Variants in SUSD4 observed in about 807,000 individuals in gnomAD.
The protein encoded by SUSD4 is sushi domain containing 4.
SUSD4 carries 41 observed loss-of-function variants against 50.5 expected under a neutral mutation model. The ratio of observed to expected loss-of-function variants is 0.81; its 90% CI spans 0.63 to 1.05. SUSD4 has a LOEUF of 1.05. SUSD4 is among the 50% of genes least tolerant of loss of function. The pLI is 0.00. For synonymous variants in SUSD4, 257 were observed against 257.3 expected (o/e 1.00, Z 0.01); for missense variants, 580 against 634.7 (o/e 0.91, Z 0.93).
chr1:223,338,296 C>T (rs996065361), intron 2 of SUSD4, among the ~76,000 whole-genome samples: 5 of 152,210 alleles, frequency 3.3e-5, no homozygotes, highest in African/African-American at 1.2e-4. Flanking sequence ...AGCCGAATTT[C>T]TGGGTCCTCT....
At chr1:223,321,124 T>G (rs1298852508) in intron 2 of SUSD4, among the ~76,000 whole-genome samples, 3 of 152,050 alleles carry the variant, frequency 2.0e-5, no homozygotes, top group Admixed American at 1.3e-4. Context: ...ATTGCCCTAC[T>G]CCACAAGACG....
intron 5 of SUSD4, among the ~76,000 whole-genome samples, chr1:223,261,121 G>A (rs1044745872): frequency 5.9e-5 from 9 of 152,282 alleles, no homozygotes; most frequent in East Asian, 1.9e-4. Context: ...GGCCACGTGG[G>A]AGACTAACGG....
chr1:223,355,142 T>G (rs746919520), intron 2 of SUSD4, among the ~76,000 whole-genome samples: 1 of 151,002 alleles, frequency 6.6e-6, no homozygotes, highest in Non-Finnish European at 1.5e-5. Flanking sequence ...TGGCACAATC[T>G]CGGCTCACTG....
intron 5 of SUSD4, among the ~76,000 whole-genome samples, chr1:223,248,224 T>C (rs1349348808): frequency 6.6e-6 from 1 of 152,144 alleles, no homozygotes; most frequent in Non-Finnish European, 1.5e-5. Context: ...TTGAGGAGCG[T>C]GGAGAAGTGG....
At chr1:223,224,311 T>C (rs181460226) in intron 7 of SUSD4, among the ~76,000 whole-genome samples, 1 of 152,262 alleles carries the variant, frequency 6.6e-6, no homozygotes, top group East Asian at 1.9e-4. Flanking sequence ...CACTCCAGCC[T>C]GGGTAACAGA....
chr1:223,264,453 A>C, intron 5 of SUSD4, 177 bp downstream of exon 5: 1 of 1,347,508 alleles, frequency 7.4e-7, no homozygotes, highest in Non-Finnish European at 9.5e-7. Context: ...CAAGTTTTAC[A>C]TCTAATTGTA....
At chr1:223,331,482 T>G (rs1667170349) in intron 2 of SUSD4, among the ~76,000 whole-genome samples, 1 of 152,198 alleles carries the variant, frequency 6.6e-6, no homozygotes, top group Non-Finnish European at 1.5e-5. Context: ...CCCCTGTGGT[T>G]GGGGTTGAGC....
intron 2 of SUSD4, among the ~76,000 whole-genome samples, chr1:223,329,458 A>G (rs944690142): frequency 3.9e-5 from 6 of 152,110 alleles, no homozygotes; most frequent in African/African-American, 1.4e-4. Flanking sequence ...CCAAAGTTCT[A>G]ACTTTCCCTC....
Position 223,227,832 on chromosome 1 carries a change from CAAGAGA to C in SUSD4, c.917-100_917-95del. ...GCTCATTTGCTGGATTCATCTGGCA[CAAGAGA>C]TGCGTGCAAGGTGCCTCTGACCCCC... On this transcript the variant is annotated intron_variant, in intron 6 of 8. Coordinates refer to ENST00000366878, the MANE Select transcript of SUSD4 (RefSeq NM_017982.4). The surrounding 1 kb of genome is among the most constrained non-coding windows in gnomAD (Gnocchi z 4.5). The C allele has an allele frequency of 6.8e-7, 1 of 1,464,162 alleles. No homozygotes were observed. The highest frequency in any genetic ancestry group is 9.2e-7 in the Non-Finnish European group (1 of 1,086,330). The allele number at this position is 1,464,162 out of a possible 1,614,324, so 90.7% of individuals were successfully genotyped here.
chr1:223,361,535 A>T (rs1668978636), intron 2 of SUSD4, among the ~76,000 whole-genome samples: 1 of 152,144 alleles, frequency 6.6e-6, no homozygotes, highest in Admixed American at 6.5e-5. Context: ...CTCATAGGTG[A>T]CTGTCATAAG....
At chr1:223,353,665 A>G (rs1668490658) in intron 2 of SUSD4, among the ~76,000 whole-genome samples, 1 of 152,184 alleles carries the variant, frequency 6.6e-6, no homozygotes. Context: ...CAGCGCTGCC[A>G]AAAAATTTGT....
intron 5 of SUSD4, among the ~76,000 whole-genome samples, chr1:223,245,785 G>A (rs1660882957): frequency 6.6e-6 from 1 of 152,116 alleles, no homozygotes; most frequent in South Asian, 2.1e-4. Context: ...GAAGAAGAGT[G>A]ACTTGAATGT....
rs927796031 is a variant in SUSD4 at position 223,229,790 on chromosome 1, C to T, written c.725-402G>A. On this transcript the variant is annotated intron_variant, in intron 5 of 8. Transcript: ENST00000366878. The surrounding 1 kb of genome is among the most constrained non-coding windows in gnomAD (Gnocchi z 4.7). ...ACTGAAAGGCATAGTTATCCCAAGC[C>T]TGTTTCTGTGACCACAGTAGTAATT... is the stretch of plus-strand genomic sequence containing the variant. 2.0e-5 allele frequency among the ~76,000 whole-genome samples: 3 copies of T among 152,186 alleles called. No individual in the cohort carries two copies. Among genetic ancestry groups the T allele is most frequent in the Non-Finnish European group, 4.4e-5 (3 of 68,034 alleles).
Position 223,325,166 on chromosome 1 carries a change from C to T in SUSD4, c.149-32515G>A, listed in dbSNP as rs181980699. On this transcript the variant is annotated intron_variant, in intron 2 of 8. Transcript: ENST00000366878. ...CAGTATCCCTTCTCTCCTGTCTTCC[C>T]CCAAAGAAAAGAAAAACTTTGCAGT... 2.9e-4 allele frequency among the ~76,000 whole-genome samples: 44 copies of T among 152,138 alleles called. 1 individual carries two copies. The highest frequency in any genetic ancestry group is 2.6e-3 in the Admixed American group (39 of 15,286).
At chr1:223,293,963 G>C (rs2103155301) in intron 2 of SUSD4, among the ~76,000 whole-genome samples, 1 of 152,072 alleles carries the variant, frequency 6.6e-6, no homozygotes, top group African/African-American at 2.4e-5. Flanking sequence ...GCAGATCCCT[G>C]AAACAAACAC....
At chr1:223,242,442 T>C (rs1660645172) in intron 5 of SUSD4, among the ~76,000 whole-genome samples, 1 of 152,076 alleles carries the variant, frequency 6.6e-6, no homozygotes, top group Admixed American at 6.5e-5. Context: ...AAGAGCAGCA[T>C]CTCCAAGCCA....
intron 3 of SUSD4, among the ~76,000 whole-genome samples, chr1:223,279,180 G>T (rs550572881): frequency 3.3e-5 from 5 of 152,304 alleles, no homozygotes; most frequent in Non-Finnish European, 7.4e-5. Flanking sequence ...CCCCTCCAAA[G>T]GAACGCAGCT....
intron 2 of SUSD4, among the ~76,000 whole-genome samples, chr1:223,355,161 A>C (rs1165153918): frequency 1.2e-4 from 18 of 147,688 alleles, no homozygotes; most frequent in Admixed American, 8.2e-4. Flanking sequence ...TGTAATCCCC[A>C]CCTCCTGGGT....
At position 223,221,725 on chromosome 1, in the gene SUSD4, C is replaced by T. The variant is rs1339731308; in HGVS notation, c.*467G>A. 1 of 156,034 alleles carries T rather than the reference C, an allele frequency of 6.4e-6. No homozygotes were observed. Among genetic ancestry groups the T allele is most frequent in the East Asian group, 1.9e-4 (1 of 5,312 alleles). 9.7% of individuals were successfully genotyped at this position (156,034 alleles called of 1,614,324 possible). On this transcript the variant is annotated 3_prime_UTR_variant, in exon 9 of 9. Transcript: ENST00000366878. ...GGAGGCTCTGCTGTTCTTCCAGCATCTCAACACAAACTTTCTGCAGAGGCT... is the reference window on the plus strand; with the variant it reads ...GGAGGCTCTGCTGTTCTTCCAGCATTTCAACACAAACTTTCTGCAGAGGCT...
Sources: allele counts gnomAD v4.1 joint callset (sites outside exome capture counted in the v4.1 genomes callset), GRCh38; gene constraint gnomAD v4.1.1; non-coding constraint Gnocchi (gnomAD v3.1); transcripts MANE v1.5; gene names NCBI Gene and HGNC (gene_info 2026-07-23, HGNC 2026-07-21).